The following PARD3 variants were observed in gnomAD, a reference collection of about 807,000 sequenced individuals.
The protein encoded by PARD3 is partitioning defective 3 homolog.
A neutral mutation model predicts 155.4 loss-of-function variants in PARD3; 75 were observed. That is an observed-to-expected ratio of 0.48 (90% confidence interval 0.40 to 0.58). PARD3 has a LOEUF of 0.58. PARD3 is among the 20% of genes least tolerant of loss of function. The probability of loss-of-function intolerance (pLI) is 0.00; values close to 1 mark genes in which losing one functional copy is unlikely to be tolerated. For synonymous variants in PARD3, 576 were observed against 610.5 expected, an observed-to-expected ratio of 0.94 and a Z score of 0.83; for missense variants, 1,642 against 1,721.7, an observed-to-expected ratio of 0.95 and a Z score of 0.82.
At chr10:34,776,824 G>A (rs1000705974) in intron 1 of PARD3, among the ~76,000 whole-genome samples, 6 of 53,136 alleles carry the variant, frequency 1.1e-4, no homozygotes, top group Middle Eastern at 8.1e-3. Flanking sequence ...ATTTTCAGTC[G>A]TGTTTTTTTG....
chr10:34,170,203 T>C (rs1297575068), intron 22 of PARD3, among the ~76,000 whole-genome samples: 1 of 152,192 alleles, frequency 6.6e-6, no homozygotes, highest in Non-Finnish European at 1.5e-5. Context: ...TCCTCCTGCC[T>C]CAGCCTCCCA....
At chr10:34,512,249 G>A (rs901068246) in intron 3 of PARD3, among the ~76,000 whole-genome samples, 2 of 152,224 alleles carry the variant, frequency 1.3e-5, no homozygotes, top group Admixed American at 6.5e-5. Context: ...ACGCAGAATA[G>A]ATGACTTATT....
chr10:34,439,293 G>T (rs777939729), intron 5 of PARD3, among the ~76,000 whole-genome samples: 1 of 151,724 alleles, frequency 6.6e-6, no homozygotes, highest in South Asian at 2.1e-4. Flanking sequence ...GCTTACTAAA[G>T]GTAGGAAAAG....
intron 2 of PARD3, among the ~76,000 whole-genome samples, chr10:34,552,305 T>A (rs2133977499): frequency 6.6e-6 from 1 of 152,320 alleles, no homozygotes; most frequent in Non-Finnish European, 1.5e-5. Context: ...AGATGCTATG[T>A]CATCCAGGCT....
chr10:34,467,511 G>A (rs536883487), intron 4 of PARD3, among the ~76,000 whole-genome samples: 19 of 152,166 alleles, frequency 1.2e-4, no homozygotes, highest in East Asian at 3.9e-4. Flanking sequence ...CCTTTGGGAC[G>A]CTGAGATGGG....
intron 23 of PARD3, among the ~76,000 whole-genome samples, chr10:34,125,737 T>G (rs1337076039): frequency 6.6e-6 from 1 of 152,152 alleles, no homozygotes; most frequent in Non-Finnish European, 1.5e-5. Flanking sequence ...ACAAGCAAGC[T>G]TGAGGGAGAA....
intron 19 of PARD3, among the ~76,000 whole-genome samples, chr10:34,325,772 A>G (rs927653429): frequency 2.6e-5 from 4 of 152,024 alleles, no homozygotes; most frequent in African/African-American, 4.8e-5. Context: ...GAAGATACGC[A>G]TTCTAAGATT....
chr10:34,168,727 T>C (rs993614020), intron 22 of PARD3, among the ~76,000 whole-genome samples: 7 of 152,260 alleles, frequency 4.6e-5, no homozygotes, highest in Admixed American at 4.6e-4. Context: ...TAAAACATGA[T>C]GTTTGGTAAC....
At chr10:34,572,984 A>G (rs893551086) in intron 2 of PARD3, among the ~76,000 whole-genome samples, 3 of 152,066 alleles carry the variant, frequency 2.0e-5, no homozygotes, top group Non-Finnish European at 4.4e-5. Flanking sequence ...TACCTTACAT[A>G]TTTTCTAGGG....
chr10:34,416,529 C>T (rs1381107224), intron 5 of PARD3, among the ~76,000 whole-genome samples: 2 of 152,164 alleles, frequency 1.3e-5, no homozygotes, highest in East Asian at 3.9e-4. Flanking sequence ...TCATTAAGCA[C>T]CTATCAGGGC....
At chr10:34,805,788 A>C (rs1175174751) in intron 1 of PARD3, among the ~76,000 whole-genome samples, 1 of 151,930 alleles carries the variant, frequency 6.6e-6, no homozygotes, top group Non-Finnish European at 1.5e-5. Context: ...CATCCTGGCT[A>C]ACACGGTGAA....
intron 1 of PARD3, among the ~76,000 whole-genome samples, chr10:34,755,541 G>C (rs1396201487): frequency 6.6e-6 from 1 of 152,194 alleles, no homozygotes; most frequent in Admixed American, 6.5e-5. Context: ...CTTGGTGTCT[G>C]TCTATGCTCA....
intron 5 of PARD3, among the ~76,000 whole-genome samples, chr10:34,416,345 G>A (rs1314897729): frequency 6.6e-6 from 1 of 152,168 alleles, no homozygotes; most frequent in Admixed American, 6.5e-5. Context: ...AGACGTCCAG[G>A]AGAGTGGCTC....
chr10:34,769,390 G>C (rs1377973610), intron 1 of PARD3, among the ~76,000 whole-genome samples: 3 of 151,944 alleles, frequency 2.0e-5, no homozygotes, highest in Admixed American at 1.3e-4. Flanking sequence ...ACACCAAATC[G>C]ACACTGCCAA....
At chr10:34,680,179 ATTATAC>A (rs1203470798) in intron 2 of PARD3, among the ~76,000 whole-genome samples, 1 of 152,178 alleles carries the variant, frequency 6.6e-6, no homozygotes, top group East Asian at 1.9e-4. Flanking sequence ...CTGCAATACA[ATTATAC>A]TTATAATACT....
At chr10:34,587,122 TTGTGTTTTTTTGTTTGC>T (rs2088146151) in intron 2 of PARD3, among the ~76,000 whole-genome samples, 1 of 152,012 alleles carries the variant, frequency 6.6e-6, no homozygotes, top group Non-Finnish European at 1.5e-5. Flanking sequence ...ATTTTTTTTA[TTGTGTTTTTTTGTTTGC>T]TTGAGACAGA....
intron 4 of PARD3, among the ~76,000 whole-genome samples, chr10:34,469,659 C>A (rs1484250836): frequency 6.6e-6 from 1 of 151,774 alleles, no homozygotes; most frequent in Non-Finnish European, 1.5e-5. Context: ...CCTCATGAAC[C>A]AATATAAATA....
chr10:34,805,702 C>T (rs1363136705), intron 1 of PARD3, among the ~76,000 whole-genome samples: 3 of 151,924 alleles, frequency 2.0e-5, no homozygotes, highest in South Asian at 2.1e-4. Context: ...TGGGGCCGGG[C>T]GCGGTGGCTC....
intron 22 of PARD3, among the ~76,000 whole-genome samples, chr10:34,243,841 A>C (rs2133680844): frequency 6.6e-6 from 1 of 152,292 alleles, no homozygotes; most frequent in Middle Eastern, 3.4e-3. Flanking sequence ...TAGTCATCAA[A>C]TTTGACCTGC....
Sources: gnomAD v4.1 joint callset for allele counts (sites outside exome capture counted in the v4.1 genomes callset) on GRCh38, gnomAD v4.1.1 for gene constraint, MANE v1.5 for transcripts, NCBI Gene and HGNC (gene_info 2026-07-23, HGNC 2026-07-21) for gene names.